The following MFGE8 variants were observed in gnomAD, a reference collection of about 807,000 sequenced individuals.
MFGE8 encodes lactadherin.
A neutral mutation model predicts 42.6 loss-of-function variants in MFGE8; 34 were observed. The observed-to-expected ratio is 0.80, with a 90% confidence interval of 0.61 to 1.06. MFGE8 has a LOEUF of 1.06. Ranked by LOEUF, MFGE8 falls within the 50% of genes least tolerant of loss-of-function variation. The probability of loss-of-function intolerance (pLI) is 0.00; values close to 1 mark genes in which losing one functional copy is unlikely to be tolerated. For synonymous variants in MFGE8, 230 were observed against 214.8 expected (o/e 1.07, Z -0.62); for missense variants, 510 against 516.9 (o/e 0.99, Z 0.13).
intron 5 of MFGE8, chr15:88,904,345 A>G (rs1898567154): frequency 6.6e-6 from 1 of 150,898 alleles, no homozygotes; most frequent in South Asian, 2.2e-4. Context: ...AGCCCCACCC[A>G]CACACATGCA....
chr15:88,910,355 T>C (rs1898899702), intron 1 of MFGE8: 3 of 291,222 alleles, frequency 1.0e-5, no homozygotes, highest in Admixed American at 4.7e-5. Flanking sequence ...TTCTGGCCCA[T>C]TGAGCAGGTT....
chr15:88,900,827 G>A (rs1346373520), intron 6 of MFGE8: 2 of 872,768 alleles, frequency 2.3e-6, no homozygotes, highest in Non-Finnish European at 2.7e-6. Flanking sequence ...GAATATGTAT[G>A]CTGTGCTCAA....
chr15:88,912,070 C>T (rs1445471784), intron 1 of MFGE8: 21 of 1,269,078 alleles, frequency 1.7e-5, no homozygotes, highest in Middle Eastern at 2.1e-4. Context: ...CAGGGCAAAA[C>T]GGTCCAGTGG....
Position 88,903,148 on chromosome 15 carries a change from G to A in MFGE8, c.686-1413C>T, listed in dbSNP as rs1363173870. The A allele has an allele frequency of 6.6e-6, 1 of 152,286 alleles. No homozygotes were observed. The highest frequency in any genetic ancestry group is 1.5e-5 in the Non-Finnish European group (1 of 68,090). The allele number at this position is 152,286 out of a possible 1,614,324, so 9.4% of individuals were successfully genotyped here. A position where few individuals can be genotyped will look rare whatever the true frequency, so the allele number is the denominator to read the frequency against. On this transcript the variant is annotated intron_variant, in intron 5 of 7. Transcript: ENST00000268150. This position sits in a 1 kb window ranked among gnomAD's most constrained non-coding sequence, Gnocchi z 4.9. ...CTAAAACCTGGGCAGCTTTGCAGAG[G>A]ACACCAATTCTGCACAATGTGCTCA...
Position 88,906,882 on chromosome 15 carries a change from C to G in MFGE8, c.388-104G>C. The G allele has an allele frequency of 7.0e-7, 1 of 1,428,638 alleles. No individual in the cohort carries two copies. Among genetic ancestry groups the G allele is most frequent in the Non-Finnish European group, 9.8e-7 (1 of 1,020,476 alleles). 88.5% of individuals were successfully genotyped at this position (1,428,638 alleles called of 1,614,324 possible). ...ACTCCCCCACTGGGTGGGGGAACAA[C>G]TCAAGCAAAACAGAGGAGGGGTAGC... On this transcript the variant is annotated intron_variant, in intron 3 of 7. Transcript: ENST00000268150. This position sits in a 1 kb window ranked among gnomAD's most constrained non-coding sequence, Gnocchi z 4.2.
At chr15:88,908,243 A>G (rs1399607874) in intron 2 of MFGE8, among the ~76,000 whole-genome samples, 1 of 152,172 alleles carries the variant, frequency 6.6e-6, no homozygotes, top group African/African-American at 2.4e-5. Flanking sequence ...GAACCCACAG[A>G]CAGATCTAGT....
At chr15:88,910,026 A>C in intron 1 of MFGE8, 103 bp from the exon 2 acceptor site, 1 of 1,432,730 alleles carries the variant, frequency 7.0e-7, no homozygotes, top group Non-Finnish European at 9.8e-7. Flanking sequence ...CTCCACTCAA[A>C]CTCGCCCATT....
At chr15:88,913,096 C>A (rs917531019) in intron 1 of MFGE8, 151 bp downstream of exon 1, 1 of 1,316,948 alleles carries the variant, frequency 7.6e-7, no homozygotes, top group Non-Finnish European at 9.6e-7. Context: ...CCCGCCAGGG[C>A]GCAGCGGAAG....
Position 88,899,253 on chromosome 15 carries a change from G to A in MFGE8, c.*142C>T. On this transcript the variant is annotated 3_prime_UTR_variant, in exon 8 of 8. Transcript: ENST00000268150. The surrounding 1 kb of genome is among the most constrained non-coding windows in gnomAD (Gnocchi z 6.8). ...AGGTGGAGGGTGGGAAAGAGGGAGG[G>A]AGGGGTGACTGTGTGGTGGTGCTGC... The A allele has an allele frequency of 8.9e-7, 1 of 1,124,356 alleles. No individual in the cohort carries two copies. The highest frequency in any genetic ancestry group is 1.3e-6 in the Non-Finnish European group (1 of 780,944). 69.6% of individuals were successfully genotyped at this position (1,124,356 alleles called of 1,614,324 possible).
chr15:88,899,555 GA>G lies in MFGE8; in HGVS notation c.1027-24del, dbSNP rs1898262918. On this transcript the variant is annotated intron_variant, in intron 7 of 7. Transcript: ENST00000268150. The surrounding 1 kb of genome is among the most constrained non-coding windows in gnomAD (Gnocchi z 6.8). ...GATCTAGAGGCAGAGCGGGTGTCAG[GA>G]GGACCCCGAGCCAGCCCCCCTCCCC... 1 of 1,614,148 alleles carries G rather than the reference GA, an allele frequency of 6.2e-7. No individual in the cohort carries two copies. Among genetic ancestry groups the G allele is most frequent in the African/African-American group, 1.3e-5 (1 of 75,026 alleles).
chr15:88,901,518 C>T, intron 6 of MFGE8, 33 bp downstream of exon 6: 2 of 887,682 alleles, frequency 2.3e-6, no homozygotes, highest in Non-Finnish European at 3.6e-6. Context: ...TCCCACCCAA[C>T]CCCAGCCCCA....
intron 6 of MFGE8, among the ~76,000 whole-genome samples, chr15:88,901,040 C>T (rs933382968): frequency 3.3e-5 from 5 of 151,700 alleles, no homozygotes; most frequent in Non-Finnish European, 1.5e-5. Flanking sequence ...CACATATTCA[C>T]ACACATTCAC....
At chr15:88,912,974 C>G in intron 1 of MFGE8, 1 of 985,460 alleles carries the variant, frequency 1.0e-6, no homozygotes, top group Non-Finnish European at 1.2e-6. Flanking sequence ...CAGCGGATTC[C>G]TTTGTCATTA....
intron 2 of MFGE8, among the ~76,000 whole-genome samples, chr15:88,907,716 C>CCG (rs1898765315): frequency 6.6e-6 from 1 of 151,498 alleles, no homozygotes; most frequent in Admixed American, 6.6e-5. Context: ...TCCCCCCCGC[C>CCG]AGGCTGTGGG....
chr15:88,910,140 C>G (rs1898891672), intron 1 of MFGE8: 1 of 534,240 alleles, frequency 1.9e-6, no homozygotes, highest in Non-Finnish European at 3.4e-6. Flanking sequence ...AGGGAAGCGC[C>G]CAGCTTTCCA....
rs2141687868 is a variant in MFGE8, at chr15:88,899,570, G to A, written c.1027-38C>T. ...CGGGTGTCAGGAGGACCCCGAGCCAGCCCCCCTCCCCTCAGAGCCCCAGGC... is the reference window on the plus strand; with the variant it reads ...CGGGTGTCAGGAGGACCCCGAGCCAACCCCCCTCCCCTCAGAGCCCCAGGC... On this transcript the variant is annotated intron_variant, in intron 7 of 7. Transcript: ENST00000268150. The surrounding 1 kb of genome is among the most constrained non-coding windows in gnomAD (Gnocchi z 6.8). 6.2e-7 allele frequency: 1 copy of A among 1,614,118 alleles called. No individual in the cohort carries two copies. The highest frequency in any genetic ancestry group is 1.1e-5 in the South Asian group (1 of 91,086).
chr15:88,913,054 A>T, intron 1 of MFGE8, 193 bp downstream of exon 1: 1 of 985,336 alleles, frequency 1.0e-6, no homozygotes, highest in East Asian at 1.1e-4. Context: ...CAAAAGCCCC[A>T]GCGCAGAGAC....
At chr15:88,901,514 CCAA>C in intron 6 of MFGE8, 34 bp downstream of exon 6, 1 of 1,031,788 alleles carries the variant, frequency 9.7e-7, no homozygotes. Context: ...CTCATCCCAC[CCAA>C]CCCCAGCCCC....
chr15:88,905,758 G>A lies in MFGE8; in HGVS notation c.684C>T (p.Asn228=), dbSNP rs574760296. The change falls in exon 5 of 8, where the codon AAC becomes AAT. Residue 228 remains asparagine (N), a splice_region_variant and synonymous_variant. Coordinates refer to ENST00000268150, the MANE Select transcript of MFGE8 (RefSeq NM_005928.4). The surrounding 1 kb of genome is among the most constrained non-coding windows in gnomAD (Gnocchi z 6.6). The stretch of plus-strand genomic sequence containing the variant: ...CCTACCCGCACCCCCAGCACTCACC[G>A]TTCAGCTCACAGCCCAGTAGCTCAA... ...LRFELLGCEL[N]GCANPLGLKN... 1.2e-4 allele frequency: 189 copies of A among 1,614,126 alleles called. No homozygotes were observed. The highest frequency in any genetic ancestry group is 8.3e-4 in the Middle Eastern group (5 of 6,018).
Sources: gnomAD v4.1 joint callset for allele counts (sites outside exome capture counted in the v4.1 genomes callset) on GRCh38, gnomAD v4.1.1 for gene constraint, Gnocchi (gnomAD v3.1) non-coding constraint, MANE v1.5 for transcripts, NCBI Gene and HGNC (gene_info 2026-07-23, HGNC 2026-07-21) for gene names.